NCOA1: variants seen among roughly 807,000 people sequenced by gnomAD.
The protein encoded by NCOA1 is Hin-2 protein.
A neutral mutation model predicts 150.9 loss-of-function variants in NCOA1; 35 were observed. The ratio of observed to expected loss-of-function variants is 0.23; its 90% confidence interval spans 0.18 to 0.31. The LOEUF (loss-of-function observed/expected upper bound fraction) is 0.31, where lower values mean the gene tolerates loss of function less well. Among genes scored for constraint, NCOA1 ranks in the 10% least tolerant of loss-of-function variants. The pLI is 1.00. For missense variants in NCOA1, 1,491 were observed against 1,749.3 expected, an observed-to-expected ratio of 0.85 and a Z score of 2.63; for synonymous variants, 590 against 630.0, an observed-to-expected ratio of 0.94 and a Z score of 0.95.
In NCOA1 at chr2:24,547,860, G is replaced by A. The variant is rs376115205; in HGVS notation, c.-395-16435G>A. Among the ~76,000 whole-genome samples the A allele has an allele frequency of 2.6e-5, 4 of 151,950 alleles. No individual in the cohort carries two copies. In the East Asian group the frequency reaches 5.8e-4, roughly 22 times the overall value. On this transcript the variant is annotated intron_variant, in intron 1 of 22. Transcript: ENST00000348332. ...AAAAATTAGCCAAGCCTGGTGGCGG[G>A]CACCCGTAGTCTCAGCTACTCGGGA...
intron 5 of NCOA1, 64 bp downstream of exon 5, chr2:24,658,830 G>C (rs1304255129): frequency 7.0e-7 from 1 of 1,435,990 alleles, no homozygotes; most frequent in African/African-American, 1.4e-5. Flanking sequence ...TGCCACTTCA[G>C]AGCTTTTGTT....
chr2:24,536,336 T>C lies in NCOA1; in HGVS notation c.-395-27959T>C, dbSNP rs1381489233. On this transcript the variant is annotated intron_variant, in intron 1 of 22. Transcript: ENST00000348332. Reference sequence around the variant, plus strand: ...AAGGTCTTCTCTACACTGTTTATTCTAGTTAGCCATTCGCCTAACCTTTTT... The same window carrying C: ...AAGGTCTTCTCTACACTGTTTATTCCAGTTAGCCATTCGCCTAACCTTTTT... Among the ~76,000 whole-genome samples the C allele has an allele frequency of 2.0e-5, 3 of 152,234 alleles. No homozygotes were observed. The East Asian group carries it at 5.8e-4, about 29-fold the overall frequency.
intron 3 of NCOA1, among the ~76,000 whole-genome samples, chr2:24,633,963 TAA>T (rs1669819447): frequency 2.6e-5 from 4 of 152,198 alleles, no homozygotes; most frequent in Non-Finnish European, 5.9e-5. Flanking sequence ...CAAAAATGGC[TAA>T]GATGTGGTAT....
intron 16 of NCOA1, 81 bp downstream of exon 16, chr2:24,728,557 T>A: frequency 8.2e-7 from 1 of 1,216,010 alleles, no homozygotes; most frequent in Non-Finnish European, 1.1e-6. Context: ...TTTAAAGTAT[T>A]GTACCCACTA....
chr2:24,546,402 T>G (rs1051830638), intron 1 of NCOA1, among the ~76,000 whole-genome samples: 2 of 152,244 alleles, frequency 1.3e-5, no homozygotes, highest in Non-Finnish European at 2.9e-5. Context: ...GTTATTTGTC[T>G]GTATAGAATC....
rs201790363 is a variant in NCOA1 at position 24,711,028 on chromosome 2, C to T, written c.2516C>T (p.Ala839Val). 6.3e-5 allele frequency: 102 copies of T among 1,614,154 alleles called. 1 individual carries two copies. In the East Asian group the frequency reaches 1.7e-3, roughly 27 times the overall value. Residue 839 changes from alanine (A) to valine (V), a missense_variant, in exon 14 of 23, where the codon GCG (alanine) becomes GTG (valine). Transcript: ENST00000348332. ...GLCETDRMDG[A>V]VTSVTIKSEI... ...TGTGAGACAGACAGGATGGATGGTG[C>T]GGTCACCAGTGTAACCATCAAATCG...
intron 3 of NCOA1, among the ~76,000 whole-genome samples, chr2:24,618,405 C>G (rs181681435): frequency 3.9e-5 from 6 of 152,276 alleles, no homozygotes; most frequent in Admixed American, 3.9e-4. Flanking sequence ...TATTAAATCT[C>G]AAAAACCATC....
intron 1 of NCOA1, among the ~76,000 whole-genome samples, chr2:24,507,056 T>C (rs757791004): frequency 2.6e-5 from 4 of 152,252 alleles, no homozygotes; most frequent in Non-Finnish European, 5.9e-5. Context: ...GTTACTACTA[T>C]TACAGTAGTA....
chr2:24,613,822 C>T (rs1668746367), intron 3 of NCOA1, among the ~76,000 whole-genome samples: 1 of 152,166 alleles, frequency 6.6e-6, no homozygotes, highest in African/African-American at 2.4e-5. Flanking sequence ...TGAATGGGTG[C>T]TCCAGTTACC....
intron 17 of NCOA1, among the ~76,000 whole-genome samples, chr2:24,738,583 T>A (rs1361888875): frequency 6.6e-6 from 1 of 152,158 alleles, no homozygotes; most frequent in African/African-American, 2.4e-5. Flanking sequence ...AATGGTTAGA[T>A]GTTAGAAAAA....
At chr2:24,557,623 A>G (rs1056625211) in intron 1 of NCOA1, among the ~76,000 whole-genome samples, 11 of 151,346 alleles carry the variant, frequency 7.3e-5, no homozygotes, top group African/African-American at 2.4e-4. Context: ...TGCCTTTAAT[A>G]TATTTTGTGT....
rs577494382 is a variant in NCOA1, at chr2:24,629,376, A to C, written c.-174-14590A>C. Among the ~76,000 whole-genome samples, 6 of 152,184 alleles carry C rather than the reference A, an allele frequency of 3.9e-5. No individual in the cohort carries two copies. In the Middle Eastern group the frequency reaches 0.01, roughly 259 times the overall value. On this transcript the variant is annotated intron_variant, in intron 3 of 22. Coordinates refer to ENST00000348332, the MANE Select transcript of NCOA1 (RefSeq NM_003743.5). The stretch of plus-strand genomic sequence containing the variant: ...TTGATATACAGACTTGTAAACACAC[A>C]GTTTATAAAAGTTTATAATCTGCCT...
intron 1 of NCOA1, among the ~76,000 whole-genome samples, chr2:24,549,160 G>C (rs12470510): frequency 0.46 from 69,843 of 152,096 alleles, 17,324 homozygotes; most frequent in Admixed American, 0.62. Flanking sequence ...CCAAACCCCA[G>C]TTCTTGACTT....
chr2:24,561,004 A>G (rs1027168647), intron 1 of NCOA1, among the ~76,000 whole-genome samples: 12 of 152,200 alleles, frequency 7.9e-5, no homozygotes, highest in Non-Finnish European at 1.6e-4. Context: ...CGTTACACAA[A>G]CTAGTATATG....
At chr2:24,704,650 G>A (rs1673323996) in intron 11 of NCOA1, among the ~76,000 whole-genome samples, 1 of 152,048 alleles carries the variant, frequency 6.6e-6, no homozygotes, top group African/African-American at 2.4e-5. Flanking sequence ...GTGGGTGCCT[G>A]TAGTCCCAGC....
intron 1 of NCOA1, among the ~76,000 whole-genome samples, chr2:24,529,666 C>G (rs922433294): frequency 6.6e-6 from 1 of 152,170 alleles, no homozygotes; most frequent in African/African-American, 2.4e-5. Context: ...TCAGTTTAAC[C>G]TTCACCTGAA....
At chr2:24,645,144 A>C (rs1055393425) in intron 4 of NCOA1, among the ~76,000 whole-genome samples, 1 of 152,140 alleles carries the variant, frequency 6.6e-6, no homozygotes, top group Non-Finnish European at 1.5e-5. Context: ...CTGGAGGTAC[A>C]AAATTATTTA....
intron 3 of NCOA1, among the ~76,000 whole-genome samples, chr2:24,638,814 G>T (rs1446473663): frequency 6.6e-6 from 1 of 152,092 alleles, no homozygotes; most frequent in African/African-American, 2.4e-5. Context: ...AGAAATGCCT[G>T]TTCAGATTAT....
At chr2:24,580,078 C>T (rs1026362377) in intron 2 of NCOA1, among the ~76,000 whole-genome samples, 1 of 152,144 alleles carries the variant, frequency 6.6e-6, no homozygotes, top group African/African-American at 2.4e-5. Flanking sequence ...TTCATTTCTC[C>T]TTTGTTTCTG....
Sources: gnomAD v4.1 joint callset for allele counts (sites outside exome capture counted in the v4.1 genomes callset) on GRCh38, gnomAD v4.1.1 for gene constraint, MANE v1.5 for transcripts, NCBI Gene and HGNC (gene_info 2026-07-23, HGNC 2026-07-21) for gene names.